Variants in PPP1R17 observed in about 807,000 individuals in gnomAD.
PPP1R17 encodes protein phosphatase 1 regulatory subunit 17.
Under a neutral mutation model 15.9 loss-of-function variants are expected in PPP1R17, and 12 were observed. That is an observed-to-expected ratio of 0.75 (90% CI 0.48 to 1.22). PPP1R17 has a LOEUF of 1.22. PPP1R17 is among the 50% of genes most tolerant of loss of function. The pLI is 0.00. For synonymous variants in PPP1R17, 63 were observed against 64.5 expected (o/e 0.98, Z 0.11); for missense variants, 211 against 187.3 (o/e 1.13, Z -0.74).
Position 31,702,953 on chromosome 7 carries a change from T to C in PPP1R17, c.389-4251T>C, listed in dbSNP as rs115090418. ...TTATGGGCAGGGAGTCATCCCAGTA[T>C]ACGAAATTGAACATGGTCTTTGGAT... On this transcript the variant is annotated intron_variant, in intron 4 of 4. Transcript: ENST00000342032. 6.6e-3 allele frequency among the ~76,000 whole-genome samples: 1,001 copies of C among 152,292 alleles called. 9 individuals carry two copies. Among genetic ancestry groups the C allele is most frequent in the African/African-American group, 0.023 (953 of 41,570 alleles).
chr7:31,703,135 G>A (rs773104981), intron 4 of PPP1R17, among the ~76,000 whole-genome samples: 2 of 152,190 alleles, frequency 1.3e-5, no homozygotes, highest in Non-Finnish European at 2.9e-5. Context: ...ATTAAATAAA[G>A]TACATAAACT....
chr7:31,692,782 T>A (rs1043831170), intron 2 of PPP1R17, among the ~76,000 whole-genome samples: 9 of 152,168 alleles, frequency 5.9e-5, no homozygotes, highest in Non-Finnish European at 1.3e-4. Context: ...CATCGTCCTC[T>A]TTTTCTGGGT....
At chr7:31,698,489 C>A (rs1792707945) in intron 4 of PPP1R17, among the ~76,000 whole-genome samples, 1 of 152,226 alleles carries the variant, frequency 6.6e-6, no homozygotes, top group Non-Finnish European at 1.5e-5. Context: ...TTCACACACA[C>A]ACATTTCTAC....
At chr7:31,695,718 T>G in intron 3 of PPP1R17, 97 bp downstream of exon 3, 1 of 1,330,082 alleles carries the variant, frequency 7.5e-7, no homozygotes, top group Non-Finnish European at 1.0e-6. Context: ...TCAGGTATTT[T>G]AAAGTAATTT....
At chr7:31,702,248 T>A (rs1562703630) in intron 4 of PPP1R17, among the ~76,000 whole-genome samples, 1 of 151,702 alleles carries the variant, frequency 6.6e-6, no homozygotes, top group Non-Finnish European at 1.5e-5. Context: ...TGTTCCCAAA[T>A]AAGACAAGAA....
chr7:31,690,214 G>A (rs906957135), intron 1 of PPP1R17, among the ~76,000 whole-genome samples: 1 of 152,090 alleles, frequency 6.6e-6, no homozygotes, highest in Admixed American at 6.5e-5. Flanking sequence ...TTATACAACG[G>A]GTCTTCCTTA....
chr7:31,692,813 G>T (rs1330817955), intron 2 of PPP1R17, among the ~76,000 whole-genome samples: 1 of 152,206 alleles, frequency 6.6e-6, no homozygotes, highest in Non-Finnish European at 1.5e-5. Flanking sequence ...CCCAGGCAGA[G>T]CATTTTTGAG....
rs1001448954 is a variant in PPP1R17, at chr7:31,692,386, T to C, written c.-36-20T>C. 2.9e-6 allele frequency: 4 copies of C among 1,392,816 alleles called. No individual in the cohort carries two copies. The highest frequency in any genetic ancestry group is 4.1e-6 in the Non-Finnish European group (4 of 986,730). 86.3% of individuals were successfully genotyped at this position (1,392,816 alleles called of 1,614,324 possible). A position where few individuals can be genotyped will look rare whatever the true frequency, so the allele number is the denominator to read the frequency against. ...AATAAACAGAGCCATACTTATTAAC[T>C]GTTTTTTATACTTCCTTAGTGCTGG... On this transcript the variant is annotated intron_variant, in intron 1 of 4. Coordinates refer to ENST00000342032, the MANE Select transcript of PPP1R17 (RefSeq NM_006658.5).
intron 2 of PPP1R17, among the ~76,000 whole-genome samples, chr7:31,694,130 C>T (rs569149279): frequency 1.2e-4 from 18 of 152,068 alleles, no homozygotes; most frequent in Admixed American, 6.6e-5. Flanking sequence ...AAGACATATG[C>T]AGAAATAATA....
chr7:31,697,154 T>C, intron 4 of PPP1R17, 37 bp downstream of exon 4: 1 of 1,609,542 alleles, frequency 6.2e-7, no homozygotes, highest in Non-Finnish European at 8.5e-7. Context: ...CAGGGGGTGA[T>C]GGGGACAGGT....
At chr7:31,695,874 G>A (rs1792558341) in intron 3 of PPP1R17, 1 of 296,950 alleles carries the variant, frequency 3.4e-6, no homozygotes, top group Admixed American at 5.1e-5. Context: ...GAGGAGGCAA[G>A]CTCTGCTTCA....
chr7:31,698,588 G>C (rs1237689579), intron 4 of PPP1R17, among the ~76,000 whole-genome samples: 2 of 152,198 alleles, frequency 1.3e-5, no homozygotes, highest in East Asian at 3.8e-4. Flanking sequence ...ACATGCAGAA[G>C]TCTAATCTTC....
At chr7:31,701,045 G>C (rs1351948834) in intron 4 of PPP1R17, among the ~76,000 whole-genome samples, 3 of 151,356 alleles carry the variant, frequency 2.0e-5, no homozygotes, top group Non-Finnish European at 4.4e-5. Flanking sequence ...CTGGATTGAG[G>C]AGTTACTTCG....
rs550189867 is a variant in PPP1R17 at position 31,705,986 on chromosome 7, ATTTTTTTTTTTTTTTTTTTT to A, written c.389-1201_389-1182del. Among the ~76,000 whole-genome samples, 12 of 52,514 alleles carry A rather than the reference ATTTTTTTTTTTTTTTTTTTT, an allele frequency of 2.3e-4. 1 individual carries two copies. The Middle Eastern group carries it at 0.041, about 177-fold the overall frequency. 34.5% of individuals were successfully genotyped at this position (52,514 alleles called of 152,430 possible). A position where few individuals can be genotyped will look rare whatever the true frequency, so the allele number is the denominator to read the frequency against. The stretch of plus-strand genomic sequence containing the variant: ...GACTTCTGAATTTCACAGACCAGTA[ATTTTTTTTTTTTTTTTTTTT>A]TTTTTTTTTTTTTTTTGAGAAGGAG... On this transcript the variant is annotated intron_variant, in intron 4 of 4. Transcript: ENST00000342032.
intron 3 of PPP1R17, chr7:31,695,833 T>A (rs1792556209): frequency 2.5e-6 from 1 of 405,294 alleles, no homozygotes. Context: ...AAGTTTATTT[T>A]TTTTACCTAC....
chr7:31,689,924 C>A (rs915352822), intron 1 of PPP1R17, among the ~76,000 whole-genome samples: 1 of 152,214 alleles, frequency 6.6e-6, no homozygotes, highest in East Asian at 1.9e-4. Context: ...TTCACCACCA[C>A]CATTCTTTAA....
chr7:31,691,302 T>C (rs1792331940), intron 1 of PPP1R17, among the ~76,000 whole-genome samples: 1 of 152,232 alleles, frequency 6.6e-6, no homozygotes, highest in East Asian at 1.9e-4. Flanking sequence ...ACTCATTTTA[T>C]GAGCTTGAAA....
At chr7:31,702,591 A>G (rs969802556) in intron 4 of PPP1R17, among the ~76,000 whole-genome samples, 1 of 152,218 alleles carries the variant, frequency 6.6e-6, no homozygotes, top group Non-Finnish European at 1.5e-5. Context: ...TAGTCACAGC[A>G]TGCAAATACC....
At chr7:31,692,671 G>A (rs1225917321) in intron 2 of PPP1R17, 148 bp downstream of exon 2, 1 of 679,010 alleles carries the variant, frequency 1.5e-6, no homozygotes, top group Non-Finnish European at 2.5e-6. Flanking sequence ...CAGATGGGCA[G>A]GCAAATAGCC....
Sources: gnomAD v4.1 joint callset for allele counts (sites outside exome capture counted in the v4.1 genomes callset) on GRCh38, gnomAD v4.1.1 for gene constraint, MANE v1.5 for transcripts, NCBI Gene and HGNC (gene_info 2026-07-23, HGNC 2026-07-21) for gene names.